Variants in EXT1 observed in about 807,000 individuals in gnomAD.
The protein encoded by EXT1 is exostosin glycosyltransferase 1.
EXT1 carries 20 observed loss-of-function variants against 82.5 expected under a neutral mutation model. The observed-to-expected ratio is 0.24, with a 90% CI of 0.17 to 0.35. The LOEUF is 0.35. Ranked by LOEUF, EXT1 falls within the 10% of genes least tolerant of loss-of-function variation. EXT1 has a pLI of 1.00. For synonymous variants in EXT1, 348 were observed against 350.8 expected, an observed-to-expected ratio of 0.99 and a Z score of 0.09; for missense variants, 757 against 936.5, an observed-to-expected ratio of 0.81 and a Z score of 2.50.
chr8:117,828,980 G>A (rs956966225), intron 4 of EXT1, among the ~76,000 whole-genome samples: 1 of 152,142 alleles, frequency 6.6e-6, no homozygotes, highest in African/African-American at 2.4e-5. Context: ...CAAGTAGGGT[G>A]ACTTCAGTTT....
intron 1 of EXT1, among the ~76,000 whole-genome samples, chr8:118,087,266 G>T (rs1008334348): frequency 1.3e-5 from 2 of 152,100 alleles, no homozygotes; most frequent in Non-Finnish European, 2.9e-5. Flanking sequence ...TTCCTAGAAA[G>T]GAGCCCAACC....
chr8:118,009,911 C>A (rs753288402), intron 1 of EXT1, among the ~76,000 whole-genome samples: 5 of 152,058 alleles, frequency 3.3e-5, no homozygotes, highest in Non-Finnish European at 5.9e-5. Flanking sequence ...GGACCAAATG[C>A]GTATTTAGTG....
chr8:117,895,219 C>T (rs1473947752), intron 1 of EXT1, among the ~76,000 whole-genome samples: 15 of 152,096 alleles, frequency 9.9e-5, no homozygotes, highest in Admixed American at 9.8e-4. Flanking sequence ...TGGGGTTTAC[C>T]TCTGATTTGG....
rs115086263 is a variant in EXT1 at position 118,043,448 on chromosome 8, G to A, written c.962+66637C>T. Among the ~76,000 whole-genome samples the A allele has an allele frequency of 4.4e-3, 673 of 152,276 alleles. 3 individuals carry two copies. Among genetic ancestry groups the A allele is most frequent in the African/African-American group, 0.015 (611 of 41,544 alleles). ...AGTCCCTATCCAGAGTTTTCTCCAC[G>A]AAGCTTCCACAGACTAATGCCATCA... On this transcript the variant is annotated intron_variant, in intron 1 of 10. Transcript: ENST00000378204.
At chr8:117,832,914 A>G (rs1180498856) in intron 3 of EXT1, among the ~76,000 whole-genome samples, 1 of 152,330 alleles carries the variant, frequency 6.6e-6, no homozygotes, top group African/African-American at 2.4e-5. Context: ...GCCGAGCTCA[A>G]TGAAGTCTTA....
chr8:117,803,179 G>GT (rs1490638493), intron 10 of EXT1, among the ~76,000 whole-genome samples: 2 of 151,862 alleles, frequency 1.3e-5, no homozygotes, highest in African/African-American at 2.4e-5. Flanking sequence ...CTTTCTTAAG[G>GT]TTTTTTGTTT....
chr8:117,929,457 G>A (rs2447540), intron 1 of EXT1, among the ~76,000 whole-genome samples: 114,746 of 152,152 alleles, frequency 0.75, 44,028 homozygotes, highest in Middle Eastern at 0.88. Flanking sequence ...TCATCCGTCC[G>A]TTGCCATGCT....
chr8:117,873,465 T>C lies in EXT1; in HGVS notation c.963-36264A>G, dbSNP rs868384775. 8.3e-4 allele frequency among the ~76,000 whole-genome samples: 123 copies of C among 147,960 alleles called. 1 individual carries two copies. Among genetic ancestry groups the C allele is most frequent in the Middle Eastern group, 6.9e-3 (2 of 288 alleles). Reference sequence around the variant, plus strand: ...CCTGTGACTTTTTTTTTTTTTTTTTTTTTTTTTTGAGACAGGGTATTGCTC... The same window carrying C: ...CCTGTGACTTTTTTTTTTTTTTTTTCTTTTTTTTGAGACAGGGTATTGCTC... On this transcript the variant is annotated intron_variant, in intron 1 of 10. Transcript: ENST00000378204.
At chr8:118,017,773 T>G (rs962267700) in intron 1 of EXT1, among the ~76,000 whole-genome samples, 3 of 152,212 alleles carry the variant, frequency 2.0e-5, no homozygotes, top group African/African-American at 7.2e-5. Context: ...GCTAAACAAC[T>G]GTTTCCAACC....
intron 1 of EXT1, among the ~76,000 whole-genome samples, chr8:118,056,083 A>C (rs1563642257): frequency 6.6e-6 from 1 of 152,190 alleles, no homozygotes; most frequent in African/African-American, 2.4e-5. Flanking sequence ...AGGAAAAAAA[A>C]AATCACAGAA....
chr8:118,079,486 C>A (rs1346890234), intron 1 of EXT1, among the ~76,000 whole-genome samples: 1 of 152,326 alleles, frequency 6.6e-6, no homozygotes, highest in East Asian at 1.9e-4. Flanking sequence ...TCTAAACTTA[C>A]CCGTAAGGTA....
At chr8:117,992,677 G>A (rs1475110846) in intron 1 of EXT1, among the ~76,000 whole-genome samples, 1 of 152,072 alleles carries the variant, frequency 6.6e-6, no homozygotes, top group Non-Finnish European at 1.5e-5. Context: ...ACTTTGCAAG[G>A]CCCTTGGTCT....
At chr8:117,986,242 T>A (rs1365535768) in intron 1 of EXT1, among the ~76,000 whole-genome samples, 1 of 150,892 alleles carries the variant, frequency 6.6e-6, no homozygotes, top group African/African-American at 2.4e-5. Context: ...CAGGCTGGAG[T>A]GCAGTGGTGT....
chr8:118,087,719 A>G (rs931142321), intron 1 of EXT1, among the ~76,000 whole-genome samples: 1 of 152,188 alleles, frequency 6.6e-6, no homozygotes, highest in Non-Finnish European at 1.5e-5. Flanking sequence ...TGATTCATGC[A>G]TGTAATTGGG....
chr8:118,043,297 G>A (rs1816564648), intron 1 of EXT1, among the ~76,000 whole-genome samples: 1 of 152,208 alleles, frequency 6.6e-6, no homozygotes, highest in South Asian at 2.1e-4. Context: ...TGGCGATTCA[G>A]TGCCCTATTT....
At chr8:117,950,224 G>C (rs1268471562) in intron 1 of EXT1, among the ~76,000 whole-genome samples, 1 of 152,156 alleles carries the variant, frequency 6.6e-6, no homozygotes, top group African/African-American at 2.4e-5. Context: ...TTGGGTGACA[G>C]AGCAAGATCC....
intron 1 of EXT1, among the ~76,000 whole-genome samples, chr8:117,982,037 G>T (rs1293465139): frequency 6.6e-6 from 1 of 152,072 alleles, no homozygotes; most frequent in Non-Finnish European, 1.5e-5. Flanking sequence ...TTCTATTGCT[G>T]CTGTAATAAA....
intron 5 of EXT1, among the ~76,000 whole-genome samples, chr8:117,820,578 A>T (rs898491432): frequency 6.6e-5 from 10 of 151,768 alleles, no homozygotes; most frequent in African/African-American, 2.4e-4. Flanking sequence ...AGTCCCAGTT[A>T]TCGGGAGGCT....
intron 1 of EXT1, among the ~76,000 whole-genome samples, chr8:118,033,736 T>C (rs964036366): frequency 1.2e-4 from 18 of 152,210 alleles, no homozygotes; most frequent in Non-Finnish European, 1.9e-4. Flanking sequence ...TGCTTCGGCC[T>C]CTGAAAGTGC....
Sources: allele counts gnomAD v4.1 joint callset (sites outside exome capture counted in the v4.1 genomes callset), GRCh38; gene constraint gnomAD v4.1.1; transcripts MANE v1.5; gene names NCBI Gene and HGNC (gene_info 2026-07-23, HGNC 2026-07-21).